WWOX: variants seen among roughly 807,000 people sequenced by gnomAD.
WWOX encodes the protein WW domain containing oxidoreductase, also known as WW domain-containing oxidoreductase.
WWOX carries 69 observed loss-of-function variants against 46.2 expected under a neutral mutation model. The ratio of observed to expected loss-of-function variants is 1.49; its 90% CI spans 1.23 to 1.82. The LOEUF is 1.82. Among genes scored for constraint, WWOX ranks in the 40% most tolerant of loss-of-function variants. The probability of loss-of-function intolerance (pLI) is 0.00; values close to 1 mark genes in which losing one functional copy is unlikely to be tolerated. For missense variants in WWOX, 919 were observed against 542.6 expected (o/e 1.69, Z -6.89); for synonymous variants, 359 against 202.6 (o/e 1.77, Z -6.56).
intron 6 of WWOX, among the ~76,000 whole-genome samples, chr16:78,395,378 G>A (rs1252693858): frequency 1.3e-5 from 2 of 152,266 alleles, no homozygotes; most frequent in Non-Finnish European, 2.9e-5. Flanking sequence ...AATTAGTTGG[G>A]TGTGGTGGTG....
chr16:78,108,601 A>AC, intron 2 of WWOX, 114 bp downstream of exon 2: 1 of 1,150,052 alleles, frequency 8.7e-7, no homozygotes, highest in Non-Finnish European at 1.3e-6. Context: ...TCTGGTAGAG[A>AC]ACCAGACTCC....
chr16:78,339,301 G>T (rs4888783), intron 5 of WWOX, among the ~76,000 whole-genome samples: 25,428 of 110,780 alleles, frequency 0.23, 7,918 homozygotes, highest in African/African-American at 0.38. Context: ...TGCTGAGTTT[G>T]TGATGTACCT....
chr16:78,697,714 C>T (rs1292067608), intron 8 of WWOX, among the ~76,000 whole-genome samples: 1 of 152,112 alleles, frequency 6.6e-6, no homozygotes, highest in Non-Finnish European at 1.5e-5. Flanking sequence ...TTAAGGTAGG[C>T]TCGGCTAAGC....
At chr16:79,210,997 G>T (rs989770317) in intron 8 of WWOX, among the ~76,000 whole-genome samples, 9 of 151,068 alleles carry the variant, frequency 6.0e-5, no homozygotes, top group African/African-American at 1.7e-4. Flanking sequence ...GAATTAATGT[G>T]TTATGTGTTT....
intron 4 of WWOX, among the ~76,000 whole-genome samples, chr16:78,134,865 C>A (rs923955097): frequency 2.0e-5 from 3 of 152,154 alleles, no homozygotes; most frequent in Non-Finnish European, 2.9e-5. Flanking sequence ...GTAATATTGT[C>A]ATATGGTGAT....
intron 8 of WWOX, among the ~76,000 whole-genome samples, chr16:78,705,630 A>T (rs1158448927): frequency 6.6e-6 from 1 of 152,200 alleles, no homozygotes; most frequent in Non-Finnish European, 1.5e-5. Flanking sequence ...ACTGGGGAAA[A>T]GCTGATGTTG....
intron 5 of WWOX, among the ~76,000 whole-genome samples, chr16:78,363,336 C>T (rs115145458): frequency 0.029 from 4,456 of 151,656 alleles, 196 homozygotes; most frequent in African/African-American, 0.096. Flanking sequence ...TGCAGTGGCG[C>T]GATGACAGCC....
chr16:78,104,565 C>G (rs1003476875), intron 1 of WWOX, among the ~76,000 whole-genome samples: 1 of 152,126 alleles, frequency 6.6e-6, no homozygotes, highest in African/African-American at 2.4e-5. Context: ...ATATGATGTT[C>G]ACTTAAATTT....
At chr16:78,296,108 G>C (rs2079940099) in intron 5 of WWOX, among the ~76,000 whole-genome samples, 1 of 152,104 alleles carries the variant, frequency 6.6e-6, no homozygotes. Context: ...CTTCGAAGTG[G>C]GAAAACCAAA....
At chr16:78,771,232 G>A (rs2050057130) in intron 8 of WWOX, among the ~76,000 whole-genome samples, 1 of 152,168 alleles carries the variant, frequency 6.6e-6, no homozygotes, top group South Asian at 2.1e-4. Context: ...GATCGCTCTG[G>A]CTGCTGTGTT....
At chr16:78,813,285 CT>C in intron 8 of WWOX, among the ~76,000 whole-genome samples, 2 of 151,432 alleles carry the variant, frequency 1.3e-5, no homozygotes, top group Non-Finnish European at 2.9e-5. Context: ...CCTTAATTTC[CT>C]TTTTTTCCCT....
chr16:78,687,831 C>T (rs138520591), intron 8 of WWOX, among the ~76,000 whole-genome samples: 2 of 152,138 alleles, frequency 1.3e-5, no homozygotes, highest in African/African-American at 4.8e-5. Flanking sequence ...CTGAAGCTCT[C>T]AAGTAGGCGT....
At chr16:78,923,424 A>G (rs1021757881) in intron 8 of WWOX, among the ~76,000 whole-genome samples, 1 of 152,190 alleles carries the variant, frequency 6.6e-6, no homozygotes, top group African/African-American at 2.4e-5. Context: ...TCCCAGGTCC[A>G]GCCTGCTATT....
chr16:78,625,860 CATTACTTAAAAGTTTTTAAGTAATGCA>C (rs549099307), intron 8 of WWOX, among the ~76,000 whole-genome samples: 1 of 148,164 alleles, frequency 6.7e-6, no homozygotes, highest in Non-Finnish European at 1.5e-5. Context: ...CTTAAAATTG[CATTACTTAAAAGTTTTTAAGTAATGCA>C]ATTACTTAAA....
chr16:78,626,861 C>T (rs1461567502), intron 8 of WWOX, among the ~76,000 whole-genome samples: 2 of 152,016 alleles, frequency 1.3e-5, no homozygotes, highest in East Asian at 3.9e-4. Context: ...TGTTATAATC[C>T]TATACTACTT....
chr16:78,332,114 G>T lies in WWOX; in HGVS notation c.517-54746G>T, dbSNP rs564683018. Among the ~76,000 whole-genome samples, 5 of 152,128 alleles carry T rather than the reference G, an allele frequency of 3.3e-5. No individual in the cohort carries two copies. In the East Asian group the frequency reaches 9.7e-4, roughly 29 times the overall value. ...GGCCATGAAAGACAACTTAGGTTTG[G>T]GTGTCCTGTGTTTGTACCTTGTTTT... On this transcript the variant is annotated intron_variant, in intron 5 of 8. Transcript: ENST00000566780.
chr16:78,433,112 G>C (rs766156248), intron 8 of WWOX, among the ~76,000 whole-genome samples: 2 of 152,260 alleles, frequency 1.3e-5, no homozygotes, highest in South Asian at 2.1e-4. Context: ...CTGCTGTTTT[G>C]TGTCAGTAGG....
intron 7 of WWOX, among the ~76,000 whole-genome samples, chr16:78,426,409 C>T (rs2083078949): frequency 6.6e-6 from 1 of 152,194 alleles, no homozygotes; most frequent in African/African-American, 2.4e-5. Flanking sequence ...CCTTGTAAAT[C>T]TGTATCTCAA....
chr16:78,102,993 A>C (rs1217181955), intron 1 of WWOX, among the ~76,000 whole-genome samples: 1 of 151,862 alleles, frequency 6.6e-6, no homozygotes, highest in Non-Finnish European at 1.5e-5. Context: ...CTCCTTTGCC[A>C]CTCAGCCCCA....
Sources: allele counts gnomAD v4.1 joint callset (sites outside exome capture counted in the v4.1 genomes callset), GRCh38; gene constraint gnomAD v4.1.1; transcripts MANE v1.5; gene names NCBI Gene and HGNC (gene_info 2026-07-23, HGNC 2026-07-21).